Variants in PSMB8 observed in about 807,000 individuals in gnomAD.
The protein encoded by PSMB8 is proteasome 20S subunit beta 8, also known as proteasome subunit beta type-8.
Under a neutral mutation model 32.3 loss-of-function variants are expected in PSMB8, and 20 were observed. The ratio of observed to expected loss-of-function variants is 0.62; its 90% CI spans 0.44 to 0.90. The LOEUF is 0.90. Among genes scored for constraint, PSMB8 ranks in the 40% least tolerant of loss-of-function variants. The pLI is 0.00. For missense variants in PSMB8, 342 were observed against 365.4 expected (o/e 0.94, Z 0.52); for synonymous variants, 131 against 135.4 (o/e 0.97, Z 0.23).
intron 5 of PSMB8, 27 bp downstream of exon 5, chr6:32,841,504 A>G (rs1582603824): frequency 8.1e-6 from 13 of 1,600,882 alleles, no homozygotes; most frequent in Non-Finnish European, 1.0e-5. Flanking sequence ...CCTCCCAGGC[A>G]TGGTGGTGGG....
At chr6:32,842,065 A>G in intron 4 of PSMB8, 69 bp downstream of exon 4, 15 of 1,610,216 alleles carry the variant, frequency 9.3e-6, no homozygotes, top group Non-Finnish European at 1.2e-5. Context: ...GTAGGAGTAT[A>G]TGATGGGAAA....
At chr6:32,841,505 T>G in intron 5 of PSMB8, 26 bp downstream of exon 5, 3 of 1,599,548 alleles carry the variant, frequency 1.9e-6, no homozygotes, top group Non-Finnish European at 2.6e-6. Flanking sequence ...CTCCCAGGCA[T>G]GGTGGTGGGA....
At chr6:32,844,415 A>G (rs1770185885), upstream of PSMB8, 1 of 1,613,716 alleles carries the variant, frequency 6.2e-7, no homozygotes, top group Non-Finnish European at 8.5e-7. Flanking sequence ...TATGAGCATC[A>G]CTTTACAAAA....
intron 1 of PSMB8, 76 bp from the exon 2 acceptor site, chr6:32,843,165 G>A: frequency 2.0e-6 from 3 of 1,518,408 alleles, no homozygotes; most frequent in Admixed American, 1.7e-5. Flanking sequence ...GTTTTAGGGA[G>A]TATGAGGGTG....
At chr6:32,842,503 G>A (rs538829592) in intron 3 of PSMB8, among the ~76,000 whole-genome samples, 169 bp downstream of exon 3, 1 of 152,368 alleles carries the variant, frequency 6.6e-6, no homozygotes. Flanking sequence ...CTTATGAGTG[G>A]AGCACAGGCT....
rs182479394 is a variant in PSMB8, at chr6:32,842,904, G to T, written c.295+38C>A. ...GGCCTCCTGTGGAAAGGAGAGCCCA[G>T]CTCCCCAGATTCTGCCTGCTGGAGC... is the stretch of plus-strand genomic sequence containing the variant. On this transcript the variant is annotated intron_variant, in intron 2 of 5. Transcript: ENST00000374882. The T allele has an allele frequency of 2.2e-5, 35 of 1,613,934 alleles. No homozygotes were observed. The East Asian group carries it at 5.3e-4, about 25-fold the overall frequency.
chr6:32,840,757 C>G lies in PSMB8; in HGVS notation c.*202G>C, dbSNP rs914036226. 5 of 606,906 alleles carry G rather than the reference C, an allele frequency of 8.2e-6. No individual in the cohort carries two copies. The highest frequency in any genetic ancestry group is 1.5e-5 in the Non-Finnish European group (5 of 340,318). The allele number at this position is 606,906 out of a possible 1,614,324, so 37.6% of individuals were successfully genotyped here. Reference sequence around the variant, plus strand: ...TTCTTTATTCTACTTAGTGGGGCACCCAGAAACTTCCCTGGGGGAAATGCT... The same window carrying G: ...TTCTTTATTCTACTTAGTGGGGCACGCAGAAACTTCCCTGGGGGAAATGCT... On this transcript the variant is annotated 3_prime_UTR_variant, in exon 6 of 6. Transcript: ENST00000374882.
At chr6:32,841,888 A>T (rs1582605198) in intron 4 of PSMB8, 153 bp from the exon 5 acceptor site, 1 of 1,028,608 alleles carries the variant, frequency 9.7e-7, no homozygotes, top group Non-Finnish European at 1.4e-6. Flanking sequence ...ATCGAACTTT[A>T]GAAATGAAAA....
chr6:32,841,473 C>A (rs560211967), intron 5 of PSMB8, 58 bp downstream of exon 5: 10 of 1,545,798 alleles, frequency 6.5e-6, no homozygotes, highest in African/African-American at 5.4e-5. Context: ...CTTAAATCAC[C>A]CCCCCCACCA....
intron 5 of PSMB8, 24 bp downstream of exon 5, chr6:32,841,507 G>A: frequency 6.2e-7 from 1 of 1,606,518 alleles, no homozygotes. Context: ...CCCAGGCATG[G>A]TGGTGGGAGC....
upstream of PSMB8, chr6:32,844,118 CAGTT>C (rs531530218): frequency 4.0e-5 from 61 of 1,507,296 alleles, no homozygotes; most frequent in Admixed American, 8.6e-4. Context: ...GAGAAAAGGA[CAGTT>C]AGTGCCTGGA....
At chr6:32,844,143 C>A, upstream of PSMB8, 1 of 1,509,258 alleles carries the variant, frequency 6.6e-7, no homozygotes, top group South Asian at 1.2e-5. Flanking sequence ...CCAGGACCAT[C>A]ACACTGGGGA....
rs749886120 is a variant in PSMB8, at chr6:32,843,831, G to A, written c.147+19C>T. The A allele has an allele frequency of 2.5e-6, 4 of 1,612,044 alleles. No individual in the cohort carries two copies. Among genetic ancestry groups the A allele is most frequent in the African/African-American group, 2.7e-5 (2 of 74,906 alleles). On this transcript the variant is annotated intron_variant, in intron 1 of 5. Coordinates refer to ENST00000374882, the MANE Select transcript of PSMB8 (RefSeq NM_148919.4). ...CGCCCGCCTCCCTGCATCCCTAGGGGCTTCCCTACTGCCCCGACCTGCATT... is the reference window on the plus strand; with the variant it reads ...CGCCCGCCTCCCTGCATCCCTAGGGACTTCCCTACTGCCCCGACCTGCATT...
At position 32,842,708 on chromosome 6, in the gene PSMB8, C is replaced by G. The variant is rs767636318; in HGVS notation, c.371G>C (p.Cys124Ser). The G allele has an allele frequency of 1.7e-5, 27 of 1,614,220 alleles. No individual in the cohort carries two copies. The highest frequency in any genetic ancestry group is 2.1e-5 in the Non-Finnish European group (25 of 1,180,036). Reference sequence around the variant, plus strand: ...GGCCAGCAGGCGCTCCCAGTACTGACAGTCTGCTGCACAGCCAGACATGGT... The same window carrying G: ...GGCCAGCAGGCGCTCCCAGTACTGAGAGTCTGCTGCACAGCCAGACATGGT... ...LGTMSGCAADCQYWERLLAKE... is the reference protein window; with the variant it reads ...LGTMSGCAADSQYWERLLAKE... The change falls in exon 3 of 6, where the codon TGT (cysteine) becomes TCT (serine). Residue 124 changes from cysteine (C) to serine (S), a missense_variant. Physicochemically the swap from Cys to Ser is moderately radical, Grantham distance 112. Coordinates refer to ENST00000374882, the MANE Select transcript of PSMB8 (RefSeq NM_148919.4).
chr6:32,843,589 G>T (rs72854939), intron 1 of PSMB8, among the ~76,000 whole-genome samples: 4,622 of 152,284 alleles, frequency 0.03, 74 homozygotes, highest in South Asian at 0.035. Context: ...CACCATTTGT[G>T]TGTGGACAAG....
At position 32,840,939 on chromosome 6, in the gene PSMB8, C is replaced by G. The variant is rs549072404; in HGVS notation, c.*20G>C. 7.7e-4 allele frequency: 1,225 copies of G among 1,599,512 alleles called. 29 individuals are homozygous for G. In the South Asian group the frequency reaches 0.013, roughly 17 times the overall value. Reference sequence around the variant, plus strand: ...GCCAAGACCTCCCAGAGGAGACCTGCCCAGCTGCCACCACCACCATTATTG... The same window carrying G: ...GCCAAGACCTCCCAGAGGAGACCTGGCCAGCTGCCACCACCACCATTATTG... On this transcript the variant is annotated 3_prime_UTR_variant, in exon 6 of 6. Transcript: ENST00000374882.
upstream of PSMB8, chr6:32,844,187 G>A (rs1178571989): frequency 3.2e-6 from 5 of 1,551,672 alleles, no homozygotes; most frequent in Admixed American, 1.9e-5. Context: ...TGGGGGTCGG[G>A]GGAATGATGG....
In PSMB8 at chr6:32,840,841, C is replaced by T. The variant is rs532399974; in HGVS notation, c.*118G>A. 4.2e-5 allele frequency: 35 copies of T among 830,482 alleles called. No individual in the cohort carries two copies. Among genetic ancestry groups the T allele is most frequent in the Non-Finnish European group, 6.5e-5 (32 of 489,150 alleles). The allele number at this position is 830,482 out of a possible 1,614,324, so 51.4% of individuals were successfully genotyped here. ...CACCGGCCTCCTCTGGCTGCTGAGC[C>T]CGTACTCTCTCTTTGGCTCAGGCTA... On this transcript the variant is annotated 3_prime_UTR_variant, in exon 6 of 6. Transcript: ENST00000374882.
At chr6:32,844,397 G>T (rs138376873), upstream of PSMB8, 2 of 1,613,792 alleles carry the variant, frequency 1.2e-6, no homozygotes, top group African/African-American at 2.7e-5. Flanking sequence ...ACGCGGGGTG[G>T]GGGTTCCTAT....
Sources: allele counts gnomAD v4.1 joint callset (sites outside exome capture counted in the v4.1 genomes callset), GRCh38; gene constraint gnomAD v4.1.1; transcripts MANE v1.5; gene names NCBI Gene and HGNC (gene_info 2026-07-23, HGNC 2026-07-21).